The following MAP3K3 variants were observed in gnomAD, a reference collection of about 807,000 sequenced individuals.
The protein encoded by MAP3K3 is mitogen-activated protein kinase kinase kinase 3, also known as MAP/ERK kinase kinase 3.
Under a neutral mutation model 80.9 loss-of-function variants are expected in MAP3K3, and 12 were observed. That is an observed-to-expected ratio of 0.15 (90% CI 0.10 to 0.24). The LOEUF (loss-of-function observed/expected upper bound fraction) is 0.24. Ranked by LOEUF, MAP3K3 falls within the 10% of genes least tolerant of loss-of-function variation. The pLI is 1.00. For synonymous variants in MAP3K3, 272 were observed against 307.1 expected, an observed-to-expected ratio of 0.89 and a Z score of 1.19; for missense variants, 596 against 834.7, an observed-to-expected ratio of 0.71 and a Z score of 3.52.
intron 1 of MAP3K3, among the ~76,000 whole-genome samples, chr17:63,627,945 G>A (rs1376481601): frequency 6.8e-6 from 1 of 146,208 alleles, no homozygotes; most frequent in East Asian, 2.1e-4. Flanking sequence ...CTACTCTGTC[G>A]CCCAGGCTGG....
chr17:63,667,000 G>A lies in MAP3K3; in HGVS notation c.442G>A (p.Ala148Thr), dbSNP rs139576613. ...GGTGCGGATCAAGGCTTCCCAGTCC[G>A]CAGGGGATATAAATACTATCTACCA... Reference protein sequence around the residue: ...RQVRIKASQSAGDINTIYQPP... With the variant: ...RQVRIKASQSTGDINTIYQPP... Residue 148 changes from alanine to threonine, a missense_variant, in exon 6 of 16, where the codon GCA becomes ACA. By Grantham distance (58) the Ala-to-Thr change is moderately conservative (BLOSUM62 0). Coordinates refer to ENST00000361733, the MANE Select transcript of MAP3K3 (RefSeq NM_002401.5). 12 of 1,612,626 alleles carry A rather than the reference G, an allele frequency of 7.4e-6. No homozygotes were observed. Among genetic ancestry groups the A allele is most frequent in the African/African-American group, 4.0e-5 (3 of 74,788 alleles).
chr17:63,691,167 G>A lies in MAP3K3; in HGVS notation c.1278G>A (p.Gln426=), dbSNP rs372472600. The stretch of plus-strand genomic sequence containing the variant: ...ACTTGCAGCATGAGCGCATCGTGCA[G>A]TACTATGGCTGTCTGCGGGACCGCG... ...LKNLQHERIV[Q]YYGCLRDRAE... Residue 426 remains glutamine (Q), a synonymous_variant, in exon 13 of 16, where the codon CAG becomes CAA. Transcript: ENST00000361733. This position sits in a 1 kb window ranked among gnomAD's most constrained non-coding sequence, Gnocchi z 4.8. The A allele has an allele frequency of 1.3e-5, 21 of 1,614,100 alleles. No individual in the cohort carries two copies. Among genetic ancestry groups the A allele is most frequent in the Non-Finnish European group, 1.7e-5 (20 of 1,180,050 alleles).
intron 5 of MAP3K3, among the ~76,000 whole-genome samples, chr17:63,664,049 T>C (rs1282703879): frequency 6.6e-6 from 1 of 151,384 alleles, no homozygotes; most frequent in Non-Finnish European, 1.5e-5. Flanking sequence ...GAGACCATCC[T>C]GGCTAACACG....
rs1451311071 is a variant in MAP3K3 at position 63,689,640 on chromosome 17, G to A, written c.968G>A (p.Gly323Asp). ...RSLSTNGENMGLAVQYLDPRG... is the reference protein window; with the variant it reads ...RSLSTNGENMDLAVQYLDPRG... ...CTGAGCACAAATGGCGAGAACATGG[G>A]TCTGGCTGTGCAATACCTGGACCCC... The change falls in exon 11 of 16, where the codon GGT becomes GAT. Residue 323 changes from glycine (G) to aspartate (D), a missense_variant. Physicochemically the swap from Gly to Asp is moderately conservative, Grantham distance 94. Around this residue, in one of 2 missense-constraint regions of MAP3K3, gnomAD observed 364 missense variants for 588.9 expected, o/e 0.62. Coordinates refer to ENST00000361733, the MANE Select transcript of MAP3K3 (RefSeq NM_002401.5). The surrounding 1 kb of genome is among the most constrained non-coding windows in gnomAD (Gnocchi z 4.3). 6.2e-7 allele frequency: 1 copy of A among 1,614,032 alleles called. No homozygotes were observed. Among genetic ancestry groups the A allele is most frequent in the Admixed American group, 1.7e-5 (1 of 59,996 alleles).
Position 63,638,181 on chromosome 17 carries a change from A to C in MAP3K3, c.126+5379A>C, listed in dbSNP as rs369597285. 9.8e-4 allele frequency among the ~76,000 whole-genome samples: 149 copies of C among 152,296 alleles called. 5 individuals are homozygous for C. In the South Asian group the frequency reaches 0.031, roughly 31 times the overall value. On this transcript the variant is annotated intron_variant, in intron 2 of 15. Coordinates refer to ENST00000361733, the MANE Select transcript of MAP3K3 (RefSeq NM_002401.5). The stretch of plus-strand genomic sequence containing the variant: ...ATCGTCTCTTCCACTGATCTCCTAC[A>C]ACTTTCCAGAGTCATGCTTAAAAAT...
chr17:63,630,993 A>G (rs149373181), intron 1 of MAP3K3, among the ~76,000 whole-genome samples: 65 of 152,242 alleles, frequency 4.3e-4, no homozygotes, highest in Middle Eastern at 3.4e-3. Flanking sequence ...GGGAGAGGCA[A>G]ATAAGGTGAG....
At chr17:63,626,905 A>G (rs2034114133) in intron 1 of MAP3K3, among the ~76,000 whole-genome samples, 1 of 152,244 alleles carries the variant, frequency 6.6e-6, no homozygotes, top group Non-Finnish European at 1.5e-5. Flanking sequence ...GATTGTATCT[A>G]TGGAAAAGAG....
chr17:63,662,260 A>C (rs1321560271), intron 5 of MAP3K3, among the ~76,000 whole-genome samples: 3 of 151,318 alleles, frequency 2.0e-5, no homozygotes, highest in Admixed American at 6.6e-5. Context: ...AAAAAAAAAA[A>C]AACGAAAATT....
intron 1 of MAP3K3, among the ~76,000 whole-genome samples, chr17:63,627,845 G>A (rs1264902404): frequency 6.6e-6 from 1 of 151,884 alleles, no homozygotes; most frequent in Non-Finnish European, 1.5e-5. Context: ...TGGCTTCCCA[G>A]AATGTTGGAC....
chr17:63,672,452 T>A (rs1322152997), intron 6 of MAP3K3, among the ~76,000 whole-genome samples: 3 of 152,052 alleles, frequency 2.0e-5, no homozygotes, highest in Non-Finnish European at 2.9e-5. Context: ...GACTTAATGT[T>A]TTAGACATGT....
Position 63,622,773 on chromosome 17 carries a change from GC to G in MAP3K3, c.4+12del. 1.9e-6 allele frequency: 1 copy of G among 526,020 alleles called. No individual in the cohort carries two copies. Among genetic ancestry groups the G allele is most frequent in the South Asian group, 1.5e-5 (1 of 64,548 alleles). The allele number at this position is 526,020 out of a possible 1,614,324, so 32.6% of individuals were successfully genotyped here. Reference sequence around the variant, plus strand: ...GCCATCGCCACCATGGGTAAGTGTCGCCACCGCCCCGGCCTGTGCCCGCGCT... The same window carrying G: ...GCCATCGCCACCATGGGTAAGTGTCGCACCGCCCCGGCCTGTGCCCGCGCT... On this transcript the variant is annotated intron_variant, in intron 1 of 15. Transcript: ENST00000361733.
chr17:63,648,181 A>G (rs1180215898), intron 3 of MAP3K3, among the ~76,000 whole-genome samples: 6 of 152,208 alleles, frequency 3.9e-5, no homozygotes, highest in African/African-American at 1.4e-4. Context: ...ATCTTACCCA[A>G]TCTGGAAGTC....
intron 6 of MAP3K3, among the ~76,000 whole-genome samples, chr17:63,673,863 T>C (rs1464787656): frequency 6.6e-6 from 1 of 152,094 alleles, no homozygotes; most frequent in Admixed American, 6.5e-5. Flanking sequence ...TGAGCCAAGA[T>C]CGTGTCACTG....
chr17:63,682,473 A>T (rs951196198), intron 7 of MAP3K3: 1 of 152,220 alleles, frequency 6.6e-6, no homozygotes, highest in Non-Finnish European at 1.5e-5. Context: ...GAGTCCAGGC[A>T]TGACTCAAAT....
At chr17:63,635,327 C>T (rs2034301402) in intron 2 of MAP3K3, among the ~76,000 whole-genome samples, 1 of 152,138 alleles carries the variant, frequency 6.6e-6, no homozygotes, top group African/African-American at 2.4e-5. Flanking sequence ...GGAATCCTAC[C>T]TAAGATTTCT....
Position 63,658,439 on chromosome 17 carries a change from A to G in MAP3K3, c.381+532A>G, listed in dbSNP as rs2034816938. Among the ~76,000 whole-genome samples, 3 of 152,310 alleles carry G rather than the reference A, an allele frequency of 2.0e-5. No homozygotes were observed. The South Asian group carries it at 6.2e-4, about 32-fold the overall frequency. ...CTTTACCCAATGGCAGGCAGTCTGT[A>G]GGGTGTCAGAAGTGGGGAATTATCC... On this transcript the variant is annotated intron_variant, in intron 5 of 15. Coordinates refer to ENST00000361733, the MANE Select transcript of MAP3K3 (RefSeq NM_002401.5).
In MAP3K3 at chr17:63,694,547, T is replaced by A. The variant is rs1184780680; in HGVS notation, c.*770T>A. The A allele has an allele frequency of 2.6e-5, 4 of 152,682 alleles. No individual in the cohort carries two copies. The East Asian group carries it at 7.7e-4, about 29-fold the overall frequency. The allele number at this position is 152,682 out of a possible 1,614,324, so 9.5% of individuals were successfully genotyped here. On this transcript the variant is annotated 3_prime_UTR_variant, in exon 16 of 16. Transcript: ENST00000361733. ...TGTACCCAGTTTCTAAACTGGAGAC[T>A]GTGTGTGCCCTCTGGGCTCTGAGTA... is the stretch of plus-strand genomic sequence containing the variant.
intron 1 of MAP3K3, among the ~76,000 whole-genome samples, chr17:63,629,558 CT>C (rs34890134): frequency 1.3e-5 from 2 of 148,838 alleles, no homozygotes; most frequent in Non-Finnish European, 3.0e-5. Context: ...AGTGATGTTG[CT>C]TTTTAGAAGG....
chr17:63,681,146 C>T (rs963527373), intron 6 of MAP3K3, among the ~76,000 whole-genome samples: 2 of 150,958 alleles, frequency 1.3e-5, no homozygotes, highest in Non-Finnish European at 2.9e-5. Context: ...TATCATTACT[C>T]ATAAGCCAGG....
Sources: allele counts gnomAD v4.1 joint callset (sites outside exome capture counted in the v4.1 genomes callset), GRCh38; gene constraint gnomAD v4.1.1; regional missense constraint gnomAD v4.1.1; non-coding constraint Gnocchi (gnomAD v3.1); transcripts MANE v1.5; gene names NCBI Gene and HGNC (gene_info 2026-07-23, HGNC 2026-07-21).